The following GMCL1 variants were observed in gnomAD, a reference collection of about 807,000 sequenced individuals.
The protein encoded by GMCL1 is germ cell-less protein-like 1.
A neutral mutation model predicts 75.5 loss-of-function variants in GMCL1; 54 were observed. The ratio of observed to expected loss-of-function variants is 0.71; its 90% CI spans 0.57 to 0.90. The LOEUF (loss-of-function observed/expected upper bound fraction) is 0.90. GMCL1 is among the 40% of genes least tolerant of loss of function. The pLI, the probability that GMCL1 is intolerant of heterozygous loss-of-function variation, is 0.00. For synonymous variants in GMCL1, 210 were observed against 209.6 expected (o/e 1.00, Z -0.02); for missense variants, 537 against 622.7 (o/e 0.86, Z 1.47).
At chr2:69,836,985 A>T (rs1484295590) in intron 1 of GMCL1, among the ~76,000 whole-genome samples, 1 of 152,224 alleles carries the variant, frequency 6.6e-6, no homozygotes, top group Non-Finnish European at 1.5e-5. Context: ...AAGAAAAGAA[A>T]ACCTTTGATC....
intron 9 of GMCL1, among the ~76,000 whole-genome samples, chr2:69,859,928 T>A (rs1221734964): frequency 1.3e-5 from 2 of 151,794 alleles, no homozygotes; most frequent in Non-Finnish European, 2.9e-5. Flanking sequence ...TAAAAAAAAA[T>A]AGAAAAACTA....
In GMCL1 at chr2:69,864,835, T is replaced by C. The variant is rs1675762759; in HGVS notation, c.1143-65T>C. 4 of 1,052,960 alleles carry C rather than the reference T, an allele frequency of 3.8e-6. No homozygotes were observed. In the Admixed American group the frequency reaches 8.0e-5, roughly 21 times the overall value. 65.2% of individuals were successfully genotyped at this position (1,052,960 alleles called of 1,614,324 possible). Reference sequence around the variant, plus strand: ...AGCAAGATTTTCTGTTCTTAACTCATAGTTCTTTTTTAATTATTAGTTGCA... The same window carrying C: ...AGCAAGATTTTCTGTTCTTAACTCACAGTTCTTTTTTAATTATTAGTTGCA... On this transcript the variant is annotated intron_variant, in intron 10 of 13. Transcript: ENST00000282570.
At chr2:69,831,188 G>C (rs1017738075) in intron 1 of GMCL1, among the ~76,000 whole-genome samples, 23 of 152,100 alleles carry the variant, frequency 1.5e-4, no homozygotes, top group Admixed American at 1.2e-3. Context: ...CAAAGTGCTG[G>C]AATTATAGGC....
rs563865398 is a variant in GMCL1 at position 69,837,273 on chromosome 2, GTAGTGAAAAGTCTGCCTCCCA to G, written c.261-272_261-252del. Among the ~76,000 whole-genome samples the G allele has an allele frequency of 3.3e-3, 501 of 152,262 alleles. 1 individual carries two copies. Among genetic ancestry groups the G allele is most frequent in the Non-Finnish European group, 3.9e-3 (267 of 68,022 alleles). On this transcript the variant is annotated intron_variant, in intron 1 of 13. Transcript: ENST00000282570. ...TTAGTCCAAAATTGCTAAAACATGTGTAGTGAAAAGTCTGCCTCCCATGCTGCCCCCCTTTCTCCACTATCT... is the reference window on the plus strand; with the variant it reads ...TTAGTCCAAAATTGCTAAAACATGTGTGCTGCCCCCCTTTCTCCACTATCT...
chr2:69,843,508 G>A (rs948298399), intron 5 of GMCL1, among the ~76,000 whole-genome samples: 3 of 152,170 alleles, frequency 2.0e-5, no homozygotes, highest in Admixed American at 6.5e-5. Context: ...GGTCACCTTG[G>A]TCGGGTGTGG....
intron 13 of GMCL1, among the ~76,000 whole-genome samples, chr2:69,873,112 A>C (rs1676029148): frequency 6.6e-6 from 1 of 152,164 alleles, no homozygotes; most frequent in Non-Finnish European, 1.5e-5. Context: ...TGGTTATTGG[A>C]GGAGGAGGAG....
chr2:69,843,250 T>C lies in GMCL1; in HGVS notation c.681T>C (p.Ser227=). ...YTSAGTYGLD[S]VKKKCLEWLL... ...CAGCAGGGACCTATGGATTAGATTC[T>C]GTAAAGAAAAAGTGAGTTGCCTTTC... The change falls in exon 5 of 14, where the codon TCT becomes TCC. Residue 227 remains serine, a synonymous_variant. Coordinates refer to ENST00000282570, the MANE Select transcript of GMCL1 (RefSeq NM_178439.5). 6.3e-7 allele frequency: 1 copy of C among 1,580,500 alleles called. No individual in the cohort carries two copies. Among genetic ancestry groups the C allele is most frequent in the Non-Finnish European group, 8.7e-7 (1 of 1,151,842 alleles).
At chr2:69,836,040 C>T (rs189381968) in intron 1 of GMCL1, among the ~76,000 whole-genome samples, 39 of 152,286 alleles carry the variant, frequency 2.6e-4, no homozygotes, top group African/African-American at 8.9e-4. Context: ...CTGTACTCTC[C>T]TTATCTATAC....
At chr2:69,857,530 G>C (rs1484162259) in intron 9 of GMCL1, among the ~76,000 whole-genome samples, 1 of 151,930 alleles carries the variant, frequency 6.6e-6, no homozygotes, top group Non-Finnish European at 1.5e-5. Flanking sequence ...TGTCAGTTTT[G>C]TGAAAATAAG....
intron 1 of GMCL1, among the ~76,000 whole-genome samples, chr2:69,835,657 AT>A (rs1558536221): frequency 6.6e-6 from 1 of 151,762 alleles, no homozygotes; most frequent in East Asian, 1.9e-4. Flanking sequence ...AGCACATTTC[AT>A]ATTTTAGTAA....
chr2:69,830,679 CTG>C (rs1044351207), intron 1 of GMCL1, among the ~76,000 whole-genome samples: 4 of 151,384 alleles, frequency 2.6e-5, no homozygotes, highest in African/African-American at 9.7e-5. Flanking sequence ...GGAACAGAGT[CTG>C]TGCAAGTTTC....
chr2:69,840,634 G>A (rs541926537), intron 3 of GMCL1, among the ~76,000 whole-genome samples: 2 of 152,186 alleles, frequency 1.3e-5, no homozygotes, highest in Non-Finnish European at 2.9e-5. Flanking sequence ...TTGGTCTACT[G>A]AGGAGTATCT....
In GMCL1 at chr2:69,879,010, A is replaced by G. The variant is rs1473484753; in HGVS notation, c.*6A>G. On this transcript the variant is annotated 3_prime_UTR_variant, in exon 14 of 14. Transcript: ENST00000282570. Reference sequence around the variant, plus strand: ...CACCAGAAAAAAAGAATTGAAAATAATCGTCACCCAGAAAATCCAGAAAAC... The same window carrying G: ...CACCAGAAAAAAAGAATTGAAAATAGTCGTCACCCAGAAAATCCAGAAAAC... 3 of 1,538,182 alleles carry G rather than the reference A, an allele frequency of 2.0e-6. No homozygotes were observed. The highest frequency in any genetic ancestry group is 1.7e-5 in the Admixed American group (1 of 58,218).
chr2:69,866,249 G>GAA (rs57495632), intron 11 of GMCL1, among the ~76,000 whole-genome samples: 9 of 133,232 alleles, frequency 6.8e-5, no homozygotes, highest in Non-Finnish European at 1.2e-4. Context: ...TCCATCTCAA[G>GAA]AAAAAAAAAA....
chr2:69,878,638 A>T (rs890866175), intron 13 of GMCL1, among the ~76,000 whole-genome samples: 1 of 152,220 alleles, frequency 6.6e-6, no homozygotes, highest in African/African-American at 2.4e-5. Flanking sequence ...AACTACCATT[A>T]TTGAGTACTT....
intron 8 of GMCL1, among the ~76,000 whole-genome samples, chr2:69,850,497 C>T (rs897509618): frequency 3.9e-5 from 6 of 152,024 alleles, no homozygotes; most frequent in African/African-American, 7.2e-5. Flanking sequence ...ATTTTTAATA[C>T]GTTGAGCCTT....
At chr2:69,856,189 T>C (rs1158312921) in intron 9 of GMCL1, among the ~76,000 whole-genome samples, 1 of 152,216 alleles carries the variant, frequency 6.6e-6, no homozygotes, top group African/African-American at 2.4e-5. Context: ...TAGGCTGATA[T>C]ATGCTCTCAG....
chr2:69,865,350 G>A (rs576420806), intron 11 of GMCL1, among the ~76,000 whole-genome samples: 1 of 152,244 alleles, frequency 6.6e-6, no homozygotes, highest in South Asian at 2.1e-4. Flanking sequence ...ACCCACATTA[G>A]GAATTACCTT....
At position 69,857,307 on chromosome 2, in the gene GMCL1, T is replaced by C. The variant is rs371767471; in HGVS notation, c.1072+2347T>C. Among the ~76,000 whole-genome samples the C allele has an allele frequency of 5.3e-5, 8 of 152,350 alleles. No individual in the cohort carries two copies. In the East Asian group the frequency reaches 9.6e-4, roughly 18 times the overall value. ...CAAAATCCTAGAACTAAATTAAACC[T>C]TCTTTGTTCCTATACCCTCTACTTT... On this transcript the variant is annotated intron_variant, in intron 9 of 13. Transcript: ENST00000282570.
Sources: allele counts gnomAD v4.1 joint callset (sites outside exome capture counted in the v4.1 genomes callset), GRCh38; gene constraint gnomAD v4.1.1; transcripts MANE v1.5; gene names NCBI Gene and HGNC (gene_info 2026-07-23, HGNC 2026-07-21).